PCDHA4: variants seen among roughly 807,000 people sequenced by gnomAD.
The protein encoded by PCDHA4 is protocadherin alpha-4.
A neutral mutation model predicts 61.4 loss-of-function variants in PCDHA4; 49 were observed. The ratio of observed to expected loss-of-function variants is 0.80; its 90% CI spans 0.63 to 1.01. The LOEUF (loss-of-function observed/expected upper bound fraction) is 1.01, where lower values mean the gene tolerates loss of function less well. Among genes scored for constraint, PCDHA4 ranks in the 50% least tolerant of loss-of-function variants. The pLI, the probability that PCDHA4 is intolerant of heterozygous loss-of-function variation, is 0.00. For synonymous variants in PCDHA4, 590 were observed against 550.3 expected (o/e 1.07, Z -1.01); for missense variants, 1,254 against 1,235.8 (o/e 1.01, Z -0.22).
At chr5:140,875,600 C>A (rs2055640130) in intron 1 of PCDHA4, 5 of 1,613,766 alleles carry the variant, frequency 3.1e-6, no homozygotes, top group African/African-American at 1.3e-5. Flanking sequence ...AAACACGGCA[C>A]CTTCGTGGGC....
intron 1 of PCDHA4, among the ~76,000 whole-genome samples, chr5:140,818,057 A>C (rs1002691037): frequency 6.6e-6 from 1 of 152,066 alleles, no homozygotes; most frequent in Admixed American, 6.5e-5. Flanking sequence ...TTTGTTTTTA[A>C]TCTCGCTTGC....
intron 1 of PCDHA4, among the ~76,000 whole-genome samples, chr5:140,906,631 C>A (rs919514401): frequency 6.6e-6 from 1 of 152,238 alleles, no homozygotes; most frequent in East Asian, 1.9e-4. Context: ...TCAGCAAGCA[C>A]CTCAGCAGGT....
At chr5:140,836,407 C>T (rs2150259988) in intron 1 of PCDHA4, 23 of 1,613,770 alleles carry the variant, frequency 1.4e-5, no homozygotes, top group Non-Finnish European at 1.9e-5. Context: ...AGCGGCCAGG[C>T]ACCAAAGGCG....
chr5:140,899,788 C>T (rs1260643506), intron 1 of PCDHA4, among the ~76,000 whole-genome samples: 3 of 152,054 alleles, frequency 2.0e-5, no homozygotes, highest in Admixed American at 6.6e-5. Context: ...TGGTATAATT[C>T]GGCTGTGAAT....
Position 140,858,389 on chromosome 5 carries a change from G to A in PCDHA4, c.2385+48817G>A. The A allele has an allele frequency of 1.3e-6, 2 of 1,580,024 alleles. 1 individual carries two copies. Among genetic ancestry groups the A allele is most frequent in the Non-Finnish European group, 1.7e-6 (2 of 1,156,144 alleles). On this transcript the variant is annotated intron_variant, in intron 1 of 3. Transcript: ENST00000530339. ...CAGCCTTCCACCATGCCCAATGGTA[G>A]ATGTGGACGGGGAAGATCAGTCTAT...
At chr5:140,860,192 C>CATATATATATAT (rs143984774) in intron 1 of PCDHA4, 7 of 146,860 alleles carry the variant, frequency 4.8e-5, no homozygotes, top group African/African-American at 1.8e-4. Context: ...GCTCTCCTTA[C>CATATATATATAT]ATATATATCT....
intron 1 of PCDHA4, chr5:140,882,237 T>C (rs2059015707): frequency 8.2e-6 from 13 of 1,582,128 alleles, no homozygotes; most frequent in Non-Finnish European, 1.1e-5. Context: ...TTGTATATAT[T>C]GCAGATAGCT....
chr5:140,961,938 C>T (rs1443851298), intron 1 of PCDHA4, among the ~76,000 whole-genome samples: 3 of 151,024 alleles, frequency 2.0e-5, no homozygotes, highest in African/African-American at 7.3e-5. Flanking sequence ...GGCTGGAGTG[C>T]AGTGGCATGA....
intron 1 of PCDHA4, among the ~76,000 whole-genome samples, chr5:140,939,048 A>T (rs931079281): frequency 1.3e-5 from 2 of 152,180 alleles, no homozygotes; most frequent in Admixed American, 6.5e-5. Flanking sequence ...GTCTTAGTCC[A>T]TTTGGGCTGC....
chr5:140,892,069 A>G (rs1554185062), intron 1 of PCDHA4, among the ~76,000 whole-genome samples: 3 of 152,208 alleles, frequency 2.0e-5, no homozygotes, highest in Non-Finnish European at 2.9e-5. Flanking sequence ...GTTACTTTGT[A>G]TAATTTCTAG....
Position 140,875,657 on chromosome 5 carries a change from G to T in PCDHA4, c.2385+66085G>T, listed in dbSNP as rs1241102848. 6 of 1,613,738 alleles carry T rather than the reference G, an allele frequency of 3.7e-6. No homozygotes were observed. The East Asian group carries it at 1.1e-4, about 30-fold the overall frequency. Reference sequence around the variant, plus strand: ...CTGGAGCTGGCGGAGCTGGTGCCGCGCCTGTTCCGGGTGGCGTCCAAAAGA... The same window carrying T: ...CTGGAGCTGGCGGAGCTGGTGCCGCTCCTGTTCCGGGTGGCGTCCAAAAGA... On this transcript the variant is annotated intron_variant, in intron 1 of 3. Coordinates refer to ENST00000530339, the MANE Select transcript of PCDHA4 (RefSeq NM_018907.4).
At position 140,870,884 on chromosome 5, in the gene PCDHA4, G is replaced by T. The variant is rs376620715; in HGVS notation, c.2385+61312G>T. On this transcript the variant is annotated intron_variant, in intron 1 of 3. Coordinates refer to ENST00000530339, the MANE Select transcript of PCDHA4 (RefSeq NM_018907.4). ...GCGGGCCACGTGGTGGCGAAGGTGC[G>T]CGCAGTGGATGCGGACTCAGGCTAC... is the stretch of plus-strand genomic sequence containing the variant. The T allele has an allele frequency of 9.3e-6, 15 of 1,613,948 alleles. No individual in the cohort carries two copies. In the African/African-American group the frequency reaches 1.7e-4, roughly 19 times the overall value.
intron 1 of PCDHA4, chr5:140,869,538 T>C (rs536846543): frequency 1.2e-6 from 2 of 1,614,204 alleles, no homozygotes; most frequent in East Asian, 4.5e-5. Context: ...TTGCGGAATC[T>C]AAGCAATCGG....
At chr5:140,840,377 TA>T (rs1239184910) in intron 1 of PCDHA4, among the ~76,000 whole-genome samples, 2 of 151,814 alleles carry the variant, frequency 1.3e-5, no homozygotes, top group Non-Finnish European at 2.9e-5. Context: ...AAAATGAAAA[TA>T]GGGGGTTGCA....
chr5:140,809,054 C>T lies in PCDHA4; in HGVS notation c.1867C>T (p.Arg623Cys), dbSNP rs1554124966. The change falls in exon 1 of 4, where the codon CGC (arginine) becomes TGC (cysteine). Residue 623 changes from arginine to cysteine, a missense_variant. Coordinates refer to ENST00000530339, the MANE Select transcript of PCDHA4 (RefSeq NM_018907.4). ...GACTGGTGGCGCGCGCATCCCGTTCCGCGTGGGGCTGTACACTGGCGAGAT... is the reference window on the plus strand; with the variant it reads ...GACTGGTGGCGCGCGCATCCCGTTCTGCGTGGGGCTGTACACTGGCGAGAT... Reference protein sequence around the residue: ...PGTGGARIPFRVGLYTGEIST... With the variant: ...PGTGGARIPFCVGLYTGEIST... 2 of 1,613,890 alleles carry T rather than the reference C, an allele frequency of 1.2e-6. No homozygotes were observed. The highest frequency in any genetic ancestry group is 8.5e-7 in the Non-Finnish European group (1 of 1,179,890).
rs2150159455 is a variant in PCDHA4 at position 140,828,832 on chromosome 5, C to T, written c.2385+19260C>T. 5 of 1,614,118 alleles carry T rather than the reference C, an allele frequency of 3.1e-6. No individual in the cohort carries two copies. The African/African-American group carries it at 5.3e-5, about 17-fold the overall frequency. ...CTCCCACTTTCGAACAGTCTGAATACGAAGTAAGAATATTCGAAAATGCAG... is the reference window on the plus strand; with the variant it reads ...CTCCCACTTTCGAACAGTCTGAATATGAAGTAAGAATATTCGAAAATGCAG... On this transcript the variant is annotated intron_variant, in intron 1 of 3. Transcript: ENST00000530339.
intron 1 of PCDHA4, among the ~76,000 whole-genome samples, chr5:140,904,555 C>A (rs1345633704): frequency 6.6e-6 from 1 of 151,632 alleles, no homozygotes. Flanking sequence ...CATATAATGA[C>A]TTTTTTTTCC....
At chr5:140,843,631 G>T (rs2150363915) in intron 1 of PCDHA4, 1 of 1,595,994 alleles carries the variant, frequency 6.3e-7, no homozygotes, top group East Asian at 2.2e-5. Flanking sequence ...CGGACCTCAT[G>T]GCCTTCAGCC....
At chr5:140,877,738 C>G (rs539793128) in intron 1 of PCDHA4, 1 of 1,614,164 alleles carries the variant, frequency 6.2e-7, no homozygotes, top group African/African-American at 1.3e-5. Flanking sequence ...GCAGAGGAGG[C>G]AGAGGGTGTG....
Sources: gnomAD v4.1 joint callset for allele counts (sites outside exome capture counted in the v4.1 genomes callset) on GRCh38, gnomAD v4.1.1 for gene constraint, MANE v1.5 for transcripts, NCBI Gene and HGNC (gene_info 2026-07-23, HGNC 2026-07-21) for gene names.